Variants in MROH2A observed in about 807,000 individuals in gnomAD.
MROH2A encodes maestro heat-like repeat-containing protein family member 2A.
A neutral mutation model predicts 200.4 loss-of-function variants in MROH2A; 174 were observed. The observed-to-expected ratio is 0.87, with a 90% CI of 0.77 to 0.98. MROH2A has a LOEUF of 0.98. Ranked by LOEUF, MROH2A falls within the 50% of genes least tolerant of loss-of-function variation. The pLI is 0.00. For synonymous variants in MROH2A, 829 were observed against 840.4 expected (o/e 0.99, Z 0.23); for missense variants, 2,045 against 2,139.6 (o/e 0.96, Z 0.87).
At chr2:233,776,477 C>T (rs1700709918), upstream of MROH2A, among the ~76,000 whole-genome samples, 1 of 151,690 alleles carries the variant, frequency 6.6e-6, no homozygotes. Context: ...CTACCTCACC[C>T]TCCTGAGTAG....
chr2:233,783,684 T>A (rs185985212), intron 3 of MROH2A, among the ~76,000 whole-genome samples: 54 of 152,276 alleles, frequency 3.5e-4, no homozygotes, highest in African/African-American at 1.3e-3. Flanking sequence ...TAGCTGGGAT[T>A]ACAGGCACGC....
intron 5 of MROH2A, 50 bp downstream of exon 5, chr2:233,790,064 T>G (rs1408471428): frequency 1.4e-6 from 2 of 1,450,422 alleles, no homozygotes; most frequent in Non-Finnish European, 1.8e-6. Context: ...TTCTGGTCTC[T>G]GCCTCTCTCT....
At chr2:233,810,954 G>A (rs1249786770) in intron 23 of MROH2A, 38 bp downstream of exon 23, 2 of 1,546,700 alleles carry the variant, frequency 1.3e-6, no homozygotes, top group Admixed American at 2.0e-5. Flanking sequence ...CCTGTTCCTG[G>A]TTTTGGGGTC....
chr2:233,777,022 C>T (rs1700727852), upstream of MROH2A, among the ~76,000 whole-genome samples: 1 of 152,226 alleles, frequency 6.6e-6, no homozygotes. Flanking sequence ...ATGGCCAGCC[C>T]TCTAGCTGTC....
intron 38 of MROH2A, among the ~76,000 whole-genome samples, chr2:233,831,205 G>A (rs988973067): frequency 1.3e-5 from 2 of 152,234 alleles, no homozygotes; most frequent in African/African-American, 4.8e-5. Context: ...TGCCCCCAAG[G>A]GGCTTTCTAT....
intron 16 of MROH2A, 46 bp downstream of exon 16, chr2:233,803,534 C>G: frequency 6.5e-7 from 1 of 1,543,840 alleles, no homozygotes; most frequent in Non-Finnish European, 8.8e-7. Context: ...AAGGCCATGC[C>G]CTGTGGCACC....
Position 233,819,962 on chromosome 2 carries a change from C to G in MROH2A, c.3418C>G (p.Arg1140Gly), listed in dbSNP as rs372544804. ...GCCGGTGGTGGACCACCCAGAGGTG[C>G]GGCGCCTTCTCATTGACGGCATCCT... ...HLPVVDHPEV[R>G]RLLIDGILLL... Residue 1140 changes from arginine to glycine, a missense_variant, in exon 31 of 42, where the codon CGG (arginine) becomes GGG (glycine). Arg to Gly is a moderately radical substitution (Grantham distance 125). This residue lies in a region of MROH2A where 1,201 missense variants were observed against 1,311.3 expected (regional missense o/e 0.92). Coordinates refer to ENST00000389758, the MANE Select transcript of MROH2A (RefSeq NM_001394639.1). 2 of 1,546,096 alleles carry G rather than the reference C, an allele frequency of 1.3e-6. 1 individual carries two copies. Among genetic ancestry groups the G allele is most frequent in the South Asian group, 2.4e-5 (2 of 83,770 alleles).
intron 5 of MROH2A, among the ~76,000 whole-genome samples, chr2:233,791,758 TC>T (rs1242176123): frequency 2.6e-5 from 4 of 151,992 alleles, no homozygotes; most frequent in Admixed American, 2.6e-4. Context: ...GTGATGCCCA[TC>T]CTGCCAAGGG....
chr2:233,824,129 G>T (rs1704146791), intron 35 of MROH2A, among the ~76,000 whole-genome samples: 1 of 152,224 alleles, frequency 6.6e-6, no homozygotes, highest in African/African-American at 2.4e-5. Flanking sequence ...AGTGTTTTCT[G>T]TAAAGGACTG....
In MROH2A at chr2:233,829,680, G is replaced by C; in HGVS notation, c.4507G>C (p.Gly1503Arg). 6.7e-7 allele frequency: 1 copy of C among 1,493,172 alleles called. No homozygotes were observed. Among genetic ancestry groups the C allele is most frequent in the Non-Finnish European group, 8.9e-7 (1 of 1,118,666 alleles). The allele number at this position is 1,493,172 out of a possible 1,614,324, so 92.5% of individuals were successfully genotyped here. A position where few individuals can be genotyped will look rare whatever the true frequency, so the allele number is the denominator to read the frequency against. Residue 1503 changes from glycine (G) to arginine (R), a missense_variant, in exon 38 of 42, where the codon GGG (glycine) becomes CGG (arginine). By Grantham distance (125) the Gly-to-Arg change is moderately radical (BLOSUM62 -2). Coordinates refer to ENST00000389758, the MANE Select transcript of MROH2A (RefSeq NM_001394639.1). ...CTTTGGAAAGCTGGCAAGGGTGGTC[G>C]GGATGTCCAAGAAGCATTTCTTCAA... is the stretch of plus-strand genomic sequence containing the variant. Reference protein sequence around the residue: ...ILFGKLARVVGMSKKHFFKGE... With the variant: ...ILFGKLARVVRMSKKHFFKGE...
chr2:233,788,477 T>G (rs985858934), intron 3 of MROH2A, among the ~76,000 whole-genome samples: 5 of 151,952 alleles, frequency 3.3e-5, no homozygotes, highest in Non-Finnish European at 5.9e-5. Flanking sequence ...ATTTCACCAG[T>G]AGAACTTACA....
chr2:233,818,297 G>A (rs1703685695), intron 28 of MROH2A, among the ~76,000 whole-genome samples, 172 bp downstream of exon 28: 1 of 152,166 alleles, frequency 6.6e-6, no homozygotes, highest in South Asian at 2.1e-4. Flanking sequence ...TTCACCAACA[G>A]GCCATGGAAG....
In MROH2A at chr2:233,829,877, T is replaced by C. The variant is rs28900696; in HGVS notation, c.4602+102T>C. On this transcript the variant is annotated intron_variant, in intron 38 of 41. Transcript: ENST00000389758. ...GCTCGGTGAGCTGCAAGCTTTTCTC[T>C]GCCTCAGTTGGTTTTCTCTGAGATC... is the stretch of plus-strand genomic sequence containing the variant. 0.02 allele frequency: 22,666 copies of C among 1,126,714 alleles called. 3,277 individuals carry two copies. The African/African-American group carries it at 0.32, about 16-fold the overall frequency. The allele number at this position is 1,126,714 out of a possible 1,614,324, so 69.8% of individuals were successfully genotyped here.
intron 35 of MROH2A, among the ~76,000 whole-genome samples, chr2:233,826,432 A>G (rs1302781361): frequency 6.6e-6 from 1 of 152,196 alleles, no homozygotes; most frequent in Non-Finnish European, 1.5e-5. Context: ...TCTACAGGCA[A>G]CTGATCTTGG....
Position 233,832,514 on chromosome 2 carries a change from C to T in MROH2A, c.4838-65C>T. 2.3e-6 allele frequency: 3 copies of T among 1,277,248 alleles called. No homozygotes were observed. The South Asian group carries it at 3.8e-5, about 16-fold the overall frequency. The allele number at this position is 1,277,248 out of a possible 1,614,324, so 79.1% of individuals were successfully genotyped here. On this transcript the variant is annotated intron_variant, in intron 40 of 41. Coordinates refer to ENST00000389758, the MANE Select transcript of MROH2A (RefSeq NM_001394639.1). ...CTCTCATAACGTAAAGTAAGTAAAC[C>T]ACAGGACGACTTGCCTGCTGACCTA...
rs893640630 is a variant in MROH2A at position 233,819,827 on chromosome 2, G to A, written c.3358-75G>A. On this transcript the variant is annotated intron_variant, in intron 30 of 41. Coordinates refer to ENST00000389758, the MANE Select transcript of MROH2A (RefSeq NM_001394639.1). The stretch of plus-strand genomic sequence containing the variant: ...AACTGGGCCAGAGCCCTTAGAGCAG[G>A]GGCATGTCATGGGGTTAGTGCAGGA... 86 of 1,415,790 alleles carry A rather than the reference G, an allele frequency of 6.1e-5. 1 individual carries two copies. In the Admixed American group the frequency reaches 9.8e-4, roughly 16 times the overall value. 87.7% of individuals were successfully genotyped at this position (1,415,790 alleles called of 1,614,324 possible).
chr2:233,789,692 C>G (rs1300300486), intron 4 of MROH2A, 64 bp downstream of exon 4: 3 of 1,438,198 alleles, frequency 2.1e-6, no homozygotes, highest in Non-Finnish European at 2.7e-6. Flanking sequence ...CACGGGGGGC[C>G]TGGCCCAGGA....
At chr2:233,825,154 C>G (rs1238015173) in intron 35 of MROH2A, among the ~76,000 whole-genome samples, 1 of 152,182 alleles carries the variant, frequency 6.6e-6, no homozygotes, top group Non-Finnish European at 1.5e-5. Flanking sequence ...ATGCTTGTGA[C>G]TTCTGCAGAT....
At chr2:233,780,025 C>A (rs1575884594) in intron 3 of MROH2A, among the ~76,000 whole-genome samples, 173 bp downstream of exon 3, 1 of 152,290 alleles carries the variant, frequency 6.6e-6, no homozygotes, top group Non-Finnish European at 1.5e-5. Flanking sequence ...CTGAGATGTT[C>A]ATAATTTTTA....
Sources: gnomAD v4.1 joint callset for allele counts (sites outside exome capture counted in the v4.1 genomes callset) on GRCh38, gnomAD v4.1.1 for gene constraint, gnomAD v4.1.1 regional missense constraint, MANE v1.5 for transcripts, NCBI Gene and HGNC (gene_info 2026-07-23, HGNC 2026-07-21) for gene names.